GABPA: variants seen among roughly 807,000 people sequenced by gnomAD.
GABPA encodes GA binding protein transcription factor subunit alpha.
A neutral mutation model predicts 59.4 loss-of-function variants in GABPA; 4 were observed. The ratio of observed to expected loss-of-function variants is 0.07; its 90% CI spans 0.03 to 0.15. The LOEUF (loss-of-function observed/expected upper bound fraction) is 0.15. Among genes scored for constraint, GABPA ranks in the 10% least tolerant of loss-of-function variants. GABPA has a pLI of 1.00. For synonymous variants in GABPA, 164 were observed against 183.1 expected (o/e 0.90, Z 0.84); for missense variants, 251 against 543.8 (o/e 0.46, Z 5.36).
chr21:25,761,967 T>G (rs2035775062), intron 6 of GABPA, among the ~76,000 whole-genome samples: 1 of 152,204 alleles, frequency 6.6e-6, no homozygotes, highest in Non-Finnish European at 1.5e-5. Flanking sequence ...GTGTATATTT[T>G]ATCTTTGATC....
chr21:25,755,760 TGAAA>T (rs1407097744), intron 5 of GABPA, among the ~76,000 whole-genome samples: 2 of 152,188 alleles, frequency 1.3e-5, no homozygotes, highest in Admixed American at 1.3e-4. Context: ...GCCCCCCAAA[TGAAA>T]GAGAGACCCT....
chr21:25,739,615 A>G (rs1222959403), intron 1 of GABPA, among the ~76,000 whole-genome samples: 2 of 151,788 alleles, frequency 1.3e-5, no homozygotes, highest in Non-Finnish European at 2.9e-5. Context: ...AGGACCTTCT[A>G]CTTTTATTTA....
intron 7 of GABPA, among the ~76,000 whole-genome samples, chr21:25,763,807 C>A (rs761320621): frequency 6.6e-6 from 1 of 152,120 alleles, no homozygotes; most frequent in Non-Finnish European, 1.5e-5. Context: ...TCTATCCTTT[C>A]AGCCTTACTC....
intron 1 of GABPA, among the ~76,000 whole-genome samples, chr21:25,737,463 CTGAG>C (rs542048852): frequency 5.1e-4 from 78 of 152,208 alleles, no homozygotes; most frequent in African/African-American, 1.6e-3. Context: ...ATTTAAGAAA[CTGAG>C]TAATTTTTTT....
In GABPA at chr21:25,749,835, C is replaced by T. The variant is rs1244377563; in HGVS notation, c.307+715C>T. Among the ~76,000 whole-genome samples, 3 of 152,138 alleles carry T rather than the reference C, an allele frequency of 2.0e-5. No individual in the cohort carries two copies. The South Asian group carries it at 6.2e-4, about 31-fold the overall frequency. On this transcript the variant is annotated intron_variant, in intron 4 of 9. Coordinates refer to ENST00000400075, the MANE Select transcript of GABPA (RefSeq NM_002040.4). ...AACAAGAGGAAAACTCTGTCTCAAT[C>T]AGTCAATCAATAAAAAAATAGATGT... is the stretch of plus-strand genomic sequence containing the variant.
intron 4 of GABPA, among the ~76,000 whole-genome samples, chr21:25,750,739 G>A (rs553466472): frequency 5.3e-5 from 8 of 152,094 alleles, no homozygotes; most frequent in Non-Finnish European, 1.0e-4. Context: ...ACTGATTATT[G>A]GGAATAGGAA....
In GABPA at chr21:25,758,122, A is replaced by G. The variant is rs2035681028; in HGVS notation, c.666A>G (p.Leu222=). ...CACTCAACATTTCGGGGAGAGAATT[A>G]TGTAGTCTCAACCAAGAAGATTTTT... ...LTTLNISGRE[L]CSLNQEDFFQ... The change falls in exon 6 of 10, where the codon TTA becomes TTG. Residue 222 remains leucine (L), a synonymous_variant. Coordinates refer to ENST00000400075, the MANE Select transcript of GABPA (RefSeq NM_002040.4). 4 of 1,611,452 alleles carry G rather than the reference A, an allele frequency of 2.5e-6. No homozygotes were observed. Among genetic ancestry groups the G allele is most frequent in the Non-Finnish European group, 2.5e-6 (3 of 1,178,946 alleles).
In GABPA at chr21:25,758,095, C is replaced by T; in HGVS notation, c.639C>T (p.Thr213=). 1.9e-6 allele frequency: 3 copies of T among 1,610,190 alleles called. No homozygotes were observed. The highest frequency in any genetic ancestry group is 2.5e-6 in the Non-Finnish European group (3 of 1,178,058). The change falls in exon 6 of 10, where the codon ACC becomes ACT. Residue 213 remains threonine (T), a synonymous_variant. Coordinates refer to ENST00000400075, the MANE Select transcript of GABPA (RefSeq NM_002040.4). ...TCAGCATGACCGATATAGACCTCAC[C>T]ACACTCAACATTTCGGGGAGAGAAT... is the stretch of plus-strand genomic sequence containing the variant. The part of the protein sequence containing the change: ...KEFSMTDIDL[T]TLNISGRELC...
intron 4 of GABPA, among the ~76,000 whole-genome samples, chr21:25,751,314 A>G (rs973786427): frequency 1.3e-5 from 2 of 151,420 alleles, no homozygotes; most frequent in African/African-American, 2.4e-5. Context: ...AATCAAAATC[A>G]GAATTTTGAT....
chr21:25,736,009 C>G (rs532375051), intron 1 of GABPA, among the ~76,000 whole-genome samples: 1 of 152,260 alleles, frequency 6.6e-6, no homozygotes, highest in South Asian at 2.1e-4. Flanking sequence ...GCGATTCACT[C>G]ATTTCAAATC....
intron 1 of GABPA, among the ~76,000 whole-genome samples, chr21:25,736,670 T>C (rs2035074295): frequency 6.6e-6 from 1 of 152,170 alleles, no homozygotes; most frequent in African/African-American, 2.4e-5. Flanking sequence ...ACTGTTGACT[T>C]TAGCCTTCCC....
intron 2 of GABPA, among the ~76,000 whole-genome samples, chr21:25,743,211 A>C (rs895322915): frequency 2.0e-5 from 3 of 152,184 alleles, no homozygotes; most frequent in African/African-American, 7.2e-5. Flanking sequence ...AAATGGTCTG[A>C]GAGACAGAAT....
At chr21:25,739,658 C>G (rs578070609) in intron 1 of GABPA, among the ~76,000 whole-genome samples, 1 of 152,260 alleles carries the variant, frequency 6.6e-6, no homozygotes, top group Non-Finnish European at 1.5e-5. Context: ...CGCTGTTGCC[C>G]AGGAGGGAGT....
At position 25,749,570 on chromosome 21, in the gene GABPA, G is replaced by A. The variant is rs187508323; in HGVS notation, c.307+450G>A. Among the ~76,000 whole-genome samples the A allele has an allele frequency of 5.5e-3, 842 of 152,302 alleles. 6 individuals are homozygous for A. Among genetic ancestry groups the A allele is most frequent in the Non-Finnish European group, 9.3e-3 (634 of 68,022 alleles). ...ATGTCTGCTGGCTGCGGGGGCTCAC[G>A]CCTGTAATCCTACCACTTTGGGAGG... is the stretch of plus-strand genomic sequence containing the variant. On this transcript the variant is annotated intron_variant, in intron 4 of 9. Transcript: ENST00000400075.
At chr21:25,763,315 G>A in intron 7 of GABPA, 1 of 315,760 alleles carries the variant, frequency 3.2e-6, no homozygotes, top group African/African-American at 2.2e-5. Context: ...TTCCGCTTAT[G>A]CCATAAGCTT....
chr21:25,752,481 GA>G, intron 5 of GABPA: 1 of 446,006 alleles, frequency 2.2e-6, no homozygotes, highest in African/African-American at 1.9e-5. Flanking sequence ...TGTAGTTGAA[GA>G]GAGAGAAGAT....
In GABPA at chr21:25,770,660, TCAG is replaced by T. The variant is rs1434988103; in HGVS notation, c.*1429_*1431del. ...TCCTCTTAAAAAGCTTCTTAAGAGC[TCAG>T]TTAATGCTTTTGACTTAACTAGGAG... On this transcript the variant is annotated 3_prime_UTR_variant, in exon 10 of 10. Coordinates refer to ENST00000400075, the MANE Select transcript of GABPA (RefSeq NM_002040.4). 5 of 152,090 alleles carry T rather than the reference TCAG, an allele frequency of 3.3e-5. No individual in the cohort carries two copies. Among genetic ancestry groups the T allele is most frequent in the African/African-American group, 1.2e-4 (5 of 41,462 alleles). The allele number at this position is 152,090 out of a possible 1,614,324, so 9.4% of individuals were successfully genotyped here.
chr21:25,739,458 T>G (rs376728355), intron 1 of GABPA, among the ~76,000 whole-genome samples: 39 of 152,270 alleles, frequency 2.6e-4, no homozygotes, highest in South Asian at 1.5e-3. Context: ...CGAGGGAGAA[T>G]CCGTTCCTTG....
At chr21:25,740,442 T>C (rs2035190488) in intron 1 of GABPA, among the ~76,000 whole-genome samples, 1 of 152,230 alleles carries the variant, frequency 6.6e-6, no homozygotes, top group Non-Finnish European at 1.5e-5. Flanking sequence ...TGCTGTGGAC[T>C]GAAAGTGCGT....
Sources: gnomAD v4.1 joint callset for allele counts (sites outside exome capture counted in the v4.1 genomes callset) on GRCh38, gnomAD v4.1.1 for gene constraint, MANE v1.5 for transcripts, NCBI Gene and HGNC (gene_info 2026-07-23, HGNC 2026-07-21) for gene names.